CEP85L: variants seen among roughly 807,000 people sequenced by gnomAD.
The protein encoded by CEP85L is centrosomal protein 85L.
CEP85L carries 60 observed loss-of-function variants against 100.3 expected under a neutral mutation model. The observed-to-expected ratio is 0.60, with a 90% confidence interval of 0.49 to 0.74. The LOEUF (loss-of-function observed/expected upper bound fraction) is 0.74. CEP85L is among the 30% of genes least tolerant of loss of function. The pLI is 0.00. For missense variants in CEP85L, 973 were observed against 936.2 expected, an observed-to-expected ratio of 1.04 and a Z score of -0.51; for synonymous variants, 319 against 322.7, an observed-to-expected ratio of 0.99 and a Z score of 0.12.
chr6:118,530,827 T>A (rs1777249470), intron 3 of CEP85L, among the ~76,000 whole-genome samples: 1 of 148,784 alleles, frequency 6.7e-6, no homozygotes, highest in Non-Finnish European at 1.5e-5. Context: ...CAACAAGAAT[T>A]ACAAAACACT....
intron 1 of CEP85L, among the ~76,000 whole-genome samples, chr6:118,708,776 C>T (rs1166059856): frequency 2.6e-5 from 4 of 152,088 alleles, no homozygotes; most frequent in African/African-American, 4.8e-5. Context: ...TCCTTCCTTC[C>T]TCCCTCCCTT....
chr6:118,608,880 T>C (rs1376065001), intron 2 of CEP85L, among the ~76,000 whole-genome samples: 1 of 152,180 alleles, frequency 6.6e-6, no homozygotes, highest in Non-Finnish European at 1.5e-5. Flanking sequence ...ATTTTATTAA[T>C]TATGTGTGTT....
chr6:118,651,740 C>T (rs189939948), upstream of CEP85L: 22 of 986,738 alleles, frequency 2.2e-5, no homozygotes, highest in African/African-American at 2.6e-4. Context: ...ACCCCGACCC[C>T]GCTTCGCCTC....
chr6:118,651,462 C>A lies in CEP85L; in HGVS notation c.-193G>T. 7.6e-7 allele frequency: 1 copy of A among 1,317,772 alleles called. No homozygotes were observed. Among genetic ancestry groups the A allele is most frequent in the Non-Finnish European group, 9.6e-7 (1 of 1,037,006 alleles). The allele number at this position is 1,317,772 out of a possible 1,614,324, so 81.6% of individuals were successfully genotyped here. The stretch of plus-strand genomic sequence containing the variant: ...GGCCAGATTCGCCGCACTGCCGGCG[C>A]CTGCCATGGCCAAGCCGGCTGGGCT... On this transcript the variant is annotated 5_prime_UTR_variant, in exon 1 of 13. Transcript: ENST00000368491.
chr6:118,659,896 CA>C (rs1265173200), intron 1 of CEP85L, among the ~76,000 whole-genome samples: 1 of 152,198 alleles, frequency 6.6e-6, no homozygotes, highest in Non-Finnish European at 1.5e-5. Flanking sequence ...AACTGTTTTC[CA>C]AAAAATTAGA....
intron 3 of CEP85L, among the ~76,000 whole-genome samples, chr6:118,564,095 T>G (rs1779368143): frequency 6.6e-6 from 1 of 151,844 alleles, no homozygotes; most frequent in African/African-American, 2.4e-5. Flanking sequence ...AAAAACAAAT[T>G]TATCTCAACA....
chr6:118,699,422 G>C (rs1405685924), intron 1 of CEP85L, among the ~76,000 whole-genome samples: 1 of 149,020 alleles, frequency 6.7e-6, no homozygotes, highest in African/African-American at 2.5e-5. Context: ...ACCACTGCAT[G>C]TCAGCCTGGA....
At chr6:118,558,883 G>A (rs375430634) in intron 3 of CEP85L, 12 of 1,560,812 alleles carry the variant, frequency 7.7e-6, no homozygotes, top group South Asian at 2.2e-5. Context: ...TCTTTCTCTC[G>A]ACCACTTAAA....
intron 4 of CEP85L, among the ~76,000 whole-genome samples, chr6:118,523,186 T>C (rs1057160239): frequency 6.6e-6 from 1 of 152,126 alleles, no homozygotes; most frequent in African/African-American, 2.4e-5. Flanking sequence ...CATACATAAA[T>C]GATGTAGAAT....
intron 1 of CEP85L, among the ~76,000 whole-genome samples, chr6:118,640,862 A>T (rs12215364): frequency 0.029 from 4,389 of 152,198 alleles, 105 homozygotes; most frequent in African/African-American, 0.056. Context: ...CAGACATATA[A>T]TTAGGATCTC....
chr6:118,696,751 G>A (rs1160556730), intron 1 of CEP85L, among the ~76,000 whole-genome samples: 1 of 152,186 alleles, frequency 6.6e-6, no homozygotes, highest in Non-Finnish European at 1.5e-5. Context: ...ACCTTGGACA[G>A]TTGATATAAA....
intron 5 of CEP85L, among the ~76,000 whole-genome samples, chr6:118,498,248 C>CTT (rs2114645644): frequency 6.6e-6 from 1 of 152,214 alleles, no homozygotes; most frequent in Non-Finnish European, 1.5e-5. Flanking sequence ...AATCCCAGTA[C>CTT]TTTGAGAGGC....
At chr6:118,505,081 T>A (rs34479834) in intron 5 of CEP85L, among the ~76,000 whole-genome samples, 70,367 of 151,778 alleles carry the variant, frequency 0.46, 16,807 homozygotes, top group Middle Eastern at 0.57. Context: ...TCTTGGTACT[T>A]CCCATTTAAT....
intron 1 of CEP85L, among the ~76,000 whole-genome samples, chr6:118,678,461 A>G (rs1262835217): frequency 2.0e-5 from 3 of 152,198 alleles, no homozygotes; most frequent in African/African-American, 7.2e-5. Flanking sequence ...AAAATCCACC[A>G]GCCACCGTAT....
intron 2 of CEP85L, among the ~76,000 whole-genome samples, chr6:118,606,327 G>A (rs986152144): frequency 6.6e-6 from 1 of 152,182 alleles, no homozygotes; most frequent in Admixed American, 6.5e-5. Flanking sequence ...GTCCACGGAG[G>A]AGAAGAGAAT....
chr6:118,502,152 GC>G, intron 5 of CEP85L: 1 of 1,154,828 alleles, frequency 8.7e-7, no homozygotes, highest in South Asian at 1.5e-5. Flanking sequence ...TGAATATTCT[GC>G]AGGGGTTCAA....
In CEP85L at chr6:118,465,083, T is replaced by C. The variant is rs969966134; in HGVS notation, c.*322A>G. On this transcript the variant is annotated 3_prime_UTR_variant, in exon 13 of 13. Coordinates refer to ENST00000368491, the MANE Select transcript of CEP85L (RefSeq NM_001042475.3). ...ATGCACACACAAACACACAAAGCTA[T>C]AGGATTAAAAGGAATCCTACTCCTT... is the stretch of plus-strand genomic sequence containing the variant. 4.7e-5 allele frequency: 11 copies of C among 234,584 alleles called. No homozygotes were observed. The highest frequency in any genetic ancestry group is 9.1e-5 in the Non-Finnish European group (11 of 120,466). 14.5% of individuals were successfully genotyped at this position (234,584 alleles called of 1,614,324 possible).
At chr6:118,692,626 G>A (rs1234626572) in intron 1 of CEP85L, among the ~76,000 whole-genome samples, 1 of 152,122 alleles carries the variant, frequency 6.6e-6, no homozygotes, top group Non-Finnish European at 1.5e-5. Flanking sequence ...CTAAAGTAAA[G>A]AAAAAGATTA....
intron 5 of CEP85L, among the ~76,000 whole-genome samples, chr6:118,493,902 T>C (rs1404165834): frequency 6.6e-6 from 1 of 152,016 alleles, no homozygotes; most frequent in Non-Finnish European, 1.5e-5. Context: ...TATGAAACTA[T>C]AAAAAGCTAA....
Sources: allele counts gnomAD v4.1 joint callset (sites outside exome capture counted in the v4.1 genomes callset), GRCh38; gene constraint gnomAD v4.1.1; transcripts MANE v1.5; gene names NCBI Gene and HGNC (gene_info 2026-07-23, HGNC 2026-07-21).